HSPB8: variants seen among roughly 807,000 people sequenced by gnomAD.
The protein encoded by HSPB8 is heat shock protein family B (small) member 8, also known as heat shock protein beta-8.
In HSPB8, 9 loss-of-function variants were observed where a neutral mutation model predicts 16.5. The observed-to-expected ratio is 0.55, with a 90% CI of 0.33 to 0.95. HSPB8 has a LOEUF of 0.95. HSPB8 is among the 40% of genes least tolerant of loss of function. The pLI is 0.03. For synonymous variants in HSPB8, 99 were observed against 94.8 expected (o/e 1.04, Z -0.26); for missense variants, 238 against 251.2 (o/e 0.95, Z 0.35).
chr12:119,191,579 C>T (rs1230722466), intron 2 of HSPB8, among the ~76,000 whole-genome samples: 1 of 133,044 alleles, frequency 7.5e-6, no homozygotes, highest in Non-Finnish European at 1.6e-5. Context: ...GTTGTACCCA[C>T]AAAAAAAGAA....
intron 2 of HSPB8, among the ~76,000 whole-genome samples, chr12:119,191,599 GAAAAAAA>G (rs5801319): frequency 6.9e-6 from 1 of 145,088 alleles, no homozygotes; most frequent in African/African-American, 2.5e-5. Context: ...AAGAAAGAAA[GAAAAAAA>G]AAAAACTCCC....
chr12:119,179,668 TG>T lies in HSPB8; in HGVS notation c.358del (p.Glu120ArgfsTer33). On this transcript the variant is annotated frameshift_variant, in exon 1 of 3. Transcript: ENST00000281938. LOFTEE classifies it high-confidence loss of function. ...ELMVKTKDGY[V>X]EVSGKHEEKQ... ...ATGGTGAAGACCAAAGATGGATACG[TG>T]GAGGTGTCTGGTAAGTCAGGGGCAG... 1 of 1,579,988 alleles carries T rather than the reference TG, an allele frequency of 6.3e-7. No individual in the cohort carries two copies. Among genetic ancestry groups the T allele is most frequent in the Non-Finnish European group, 8.6e-7 (1 of 1,164,548 alleles).
intron 2 of HSPB8, among the ~76,000 whole-genome samples, chr12:119,193,196 A>G (rs11064701): frequency 0.091 from 13,929 of 152,260 alleles, 832 homozygotes; most frequent in East Asian, 0.22. Context: ...TTGCATCACC[A>G]TTAATGCATT....
Position 119,179,351 on chromosome 12 carries a change from A to C in HSPB8, c.39A>C (p.Pro13=). The C allele has an allele frequency of 6.2e-7, 1 of 1,613,826 alleles. No individual in the cohort carries two copies. Among genetic ancestry groups the C allele is most frequent in the East Asian group, 2.2e-5 (1 of 44,840 alleles). The change falls in exon 1 of 3, where the codon CCA becomes CCC. Residue 13 remains proline (P), a synonymous_variant. Coordinates refer to ENST00000281938, the MANE Select transcript of HSPB8 (RefSeq NM_014365.3). ...AGATGCCCTTCTCCTGCCACTACCCAAGCCGCCTGCGCCGAGACCCCTTCC... is the reference window on the plus strand; with the variant it reads ...AGATGCCCTTCTCCTGCCACTACCCCAGCCGCCTGCGCCGAGACCCCTTCC... The part of the protein sequence containing the change: ...DGQMPFSCHY[P]SRLRRDPFRD...
chr12:119,183,510 A>C (rs531161514), intron 1 of HSPB8, among the ~76,000 whole-genome samples: 76 of 152,344 alleles, frequency 5.0e-4, no homozygotes, highest in Admixed American at 9.2e-4. Context: ...TCTCTGAGGC[A>C]TGTTGAAAAA....
At chr12:119,184,898 T>G (rs1357585328) in intron 1 of HSPB8, among the ~76,000 whole-genome samples, 1 of 152,184 alleles carries the variant, frequency 6.6e-6, no homozygotes, top group East Asian at 1.9e-4. Flanking sequence ...AAAATTATGT[T>G]GTCAAAGAAT....
In HSPB8 at chr12:119,187,039, A is replaced by G; in HGVS notation, c.382A>G (p.Lys128Glu). 1 of 1,614,136 alleles carries G rather than the reference A, an allele frequency of 6.2e-7. No individual in the cohort carries two copies. The change falls in exon 2 of 3, where the codon AAA becomes GAA. Residue 128 changes from lysine (K) to glutamate (E), a missense_variant. Transcript: ENST00000281938. ...CTTCCTTCCAGGCAAACATGAAGAGAAACAGCAAGAAGGTGGCATTGTTTC... is the reference window on the plus strand; with the variant it reads ...CTTCCTTCCAGGCAAACATGAAGAGGAACAGCAAGAAGGTGGCATTGTTTC... ...YVEVSGKHEEKQQEGGIVSKN... is the reference protein window; with the variant it reads ...YVEVSGKHEEEQQEGGIVSKN...
At position 119,179,697 on chromosome 12, in the gene HSPB8, G is replaced by A. The variant is rs894486848; in HGVS notation, c.367+18G>A. The A allele has an allele frequency of 2.3e-5, 36 of 1,557,936 alleles. No homozygotes were observed. Among genetic ancestry groups the A allele is most frequent in the Non-Finnish European group, 3.0e-5 (35 of 1,156,676 alleles). On this transcript the variant is annotated intron_variant, in intron 1 of 2. Coordinates refer to ENST00000281938, the MANE Select transcript of HSPB8 (RefSeq NM_014365.3). ...GGTGTCTGGTAAGTCAGGGGCAGGA[G>A]GGAGAGAGAATGGGGAGGCCGGGAT...
Position 119,179,284 on chromosome 12 carries a change from TC to T in HSPB8, c.-28del. On this transcript the variant is annotated 5_prime_UTR_variant, in exon 1 of 3. Transcript: ENST00000281938. ...GCAGGTGGTTCTGTCTCTCTGAGCC[TC>T]TGTTTCTCTCTGAGCTGAGCAGCCA... 1 of 1,611,810 alleles carries T rather than the reference TC, an allele frequency of 6.2e-7. No individual in the cohort carries two copies.
chr12:119,187,559 T>C (rs1592930849), intron 2 of HSPB8, among the ~76,000 whole-genome samples: 1 of 152,136 alleles, frequency 6.6e-6, no homozygotes, highest in Admixed American at 6.5e-5. Flanking sequence ...GGTTTCGCCA[T>C]GTTGCCCACA....
At chr12:119,193,025 A>G (rs1954722110) in intron 2 of HSPB8, among the ~76,000 whole-genome samples, 2 of 152,214 alleles carry the variant, frequency 1.3e-5, no homozygotes, top group Admixed American at 6.5e-5. Flanking sequence ...TATGGGAGCT[A>G]CAATTCAATA....
Position 119,194,407 on chromosome 12 carries a change from C to A in HSPB8, c.*549C>A, listed in dbSNP as rs942754647. 5.1e-6 allele frequency: 1 copy of A among 195,802 alleles called. No individual in the cohort carries two copies. The highest frequency in any genetic ancestry group is 1.1e-5 in the Non-Finnish European group (1 of 95,118). 12.1% of individuals were successfully genotyped at this position (195,802 alleles called of 1,614,324 possible). ...ATCAACCACATAAAAACAAACAGTG[C>A]CTTCTGCCCTCTGCCCAGATGTGTC... is the stretch of plus-strand genomic sequence containing the variant. On this transcript the variant is annotated 3_prime_UTR_variant, in exon 3 of 3. Transcript: ENST00000281938.
intron 1 of HSPB8, among the ~76,000 whole-genome samples, chr12:119,186,338 A>G (rs922792476): frequency 6.6e-6 from 1 of 152,178 alleles, no homozygotes; most frequent in Non-Finnish European, 1.5e-5. Flanking sequence ...TACTGGGTAC[A>G]GATAATGTGG....
In HSPB8 at chr12:119,179,166, T is replaced by C. The variant is rs1954616480; in HGVS notation, c.-147T>C. The C allele has an allele frequency of 7.6e-6, 6 of 793,868 alleles. No individual in the cohort carries two copies. The highest frequency in any genetic ancestry group is 1.1e-5 in the Non-Finnish European group (5 of 471,022). The allele number at this position is 793,868 out of a possible 1,614,324, so 49.2% of individuals were successfully genotyped here. A position where few individuals can be genotyped will look rare whatever the true frequency, so the allele number is the denominator to read the frequency against. On this transcript the variant is annotated 5_prime_UTR_variant, in exon 1 of 3. Transcript: ENST00000281938. ...GAGGGGACACAACCGTCCCTGGCAG[T>C]GGTTGGTTCTGCTTCTCCCTGCAGA...
chr12:119,184,948 G>C (rs1275017841), intron 1 of HSPB8, among the ~76,000 whole-genome samples: 2 of 152,148 alleles, frequency 1.3e-5, no homozygotes, highest in African/African-American at 4.8e-5. Flanking sequence ...GTGTTAGCAA[G>C]AGAGAAAAAT....
At position 119,194,474 on chromosome 12, in the gene HSPB8, C is replaced by G. The variant is rs6413487; in HGVS notation, c.*616C>G. 1,580 of 160,882 alleles carry G rather than the reference C, an allele frequency of 9.8e-3. 23 individuals are homozygous for G. Among genetic ancestry groups the G allele is most frequent in the African/African-American group, 0.036 (1,478 of 41,586 alleles). 10.0% of individuals were successfully genotyped at this position (160,882 alleles called of 1,614,324 possible). On this transcript the variant is annotated 3_prime_UTR_variant, in exon 3 of 3. Transcript: ENST00000281938. ...TTTCCACATTAGCACTCCCTAAGGA[C>G]GCTGGGAGCCTGTCAGTTTATGATC...
intron 1 of HSPB8, among the ~76,000 whole-genome samples, chr12:119,185,698 T>C (rs1954671909): frequency 6.6e-6 from 1 of 152,110 alleles, no homozygotes; most frequent in Non-Finnish European, 1.5e-5. Flanking sequence ...GGTCTCAAAC[T>C]CCTGGCCTCG....
intron 2 of HSPB8, among the ~76,000 whole-genome samples, chr12:119,191,511 A>G (rs1954711857): frequency 6.6e-6 from 1 of 151,480 alleles, no homozygotes; most frequent in East Asian, 1.9e-4. Flanking sequence ...GTTCATCTCC[A>G]TGGTTCCAAT....
chr12:119,193,325 TG>T (rs765115784), intron 2 of HSPB8, among the ~76,000 whole-genome samples: 5 of 152,332 alleles, frequency 3.3e-5, no homozygotes, highest in Admixed American at 6.5e-5. Context: ...CTAGTAATTG[TG>T]GTCAGTAGTG....
Sources: allele counts gnomAD v4.1 joint callset (sites outside exome capture counted in the v4.1 genomes callset), GRCh38; gene constraint gnomAD v4.1.1; transcripts MANE v1.5; gene names NCBI Gene and HGNC (gene_info 2026-07-23, HGNC 2026-07-21).